TBCCD1: variants seen among roughly 807,000 people sequenced by gnomAD.
TBCCD1 encodes TBCC domain-containing protein 1.
In TBCCD1, 26 loss-of-function variants were observed where a neutral mutation model predicts 53.4. The observed-to-expected ratio is 0.49, with a 90% CI of 0.36 to 0.68. The LOEUF (loss-of-function observed/expected upper bound fraction) is 0.68. Ranked by LOEUF, TBCCD1 falls within the 30% of genes least tolerant of loss-of-function variation. TBCCD1 has a pLI of 0.00. For synonymous variants in TBCCD1, 245 were observed against 241.7 expected (o/e 1.01, Z -0.13); for missense variants, 558 against 669.5 (o/e 0.83, Z 1.84).
At position 186,564,039 on chromosome 3, in the gene TBCCD1, C is replaced by T. The variant is rs768173144; in HGVS notation, c.291G>A (p.Leu97=). The change falls in exon 2 of 8, where the codon CTG becomes CTA. Residue 97 remains leucine (L), a synonymous_variant. Transcript: ENST00000338733. The part of the protein sequence containing the change: ...PEERLEWSEV[L]SNCMSEEEVE... The stretch of plus-strand genomic sequence containing the variant: ...CTTCCTCCTCAGACATGCAGTTGGA[C>T]AGAACCTCAGACCATTCCAGGCGCT... 1 of 1,613,858 alleles carries T rather than the reference C, an allele frequency of 6.2e-7. No individual in the cohort carries two copies. Among genetic ancestry groups the T allele is most frequent in the South Asian group, 1.1e-5 (1 of 91,046 alleles).
At position 186,566,672 on chromosome 3, in the gene TBCCD1, A is replaced by T. The variant is rs1321337046; in HGVS notation, c.-44+595T>A. Among the ~76,000 whole-genome samples the T allele has an allele frequency of 2.0e-5, 3 of 152,344 alleles. No homozygotes were observed. The East Asian group carries it at 5.8e-4, about 29-fold the overall frequency. ...ATCTCTTAAAAACGGGAGTGGATCC[A>T]GAAGAGAATTTCCAGAATAAAGAGT... On this transcript the variant is annotated intron_variant, in intron 1 of 7. Transcript: ENST00000338733.
chr3:186,563,685 A>G (rs1316952595), intron 2 of TBCCD1, among the ~76,000 whole-genome samples: 4 of 152,212 alleles, frequency 2.6e-5, no homozygotes, highest in Non-Finnish European at 5.9e-5. Context: ...GCCAAACTGG[A>G]ACTACTAAAA....
intron 3 of TBCCD1, among the ~76,000 whole-genome samples, chr3:186,557,810 C>A (rs759484830): frequency 3.3e-5 from 5 of 152,080 alleles, no homozygotes; most frequent in Non-Finnish European, 7.4e-5. Flanking sequence ...GATATTTTTT[C>A]TTAGCTTTAG....
intron 2 of TBCCD1, among the ~76,000 whole-genome samples, chr3:186,563,593 G>A (rs1228220557): frequency 6.6e-6 from 1 of 151,992 alleles, no homozygotes; most frequent in Admixed American, 6.6e-5. Flanking sequence ...TCAATAACAG[G>A]GTCTCTGTAA....
At chr3:186,563,942 A>T in intron 2 of TBCCD1, 52 bp downstream of exon 2, 1 of 1,494,342 alleles carries the variant, frequency 6.7e-7, no homozygotes. Flanking sequence ...AATTTAAAAA[A>T]GAATGGTTTC....
intron 7 of TBCCD1, among the ~76,000 whole-genome samples, chr3:186,549,147 G>T (rs1025134892): frequency 6.6e-6 from 1 of 152,008 alleles, no homozygotes; most frequent in Non-Finnish European, 1.5e-5. Flanking sequence ...AATTAGCCGG[G>T]TGCGGTGGCC....
In TBCCD1 at chr3:186,556,569, T is replaced by C. The variant is rs1360425313; in HGVS notation, c.699A>G (p.Ala233=). The C allele has an allele frequency of 1.2e-6, 2 of 1,614,038 alleles. No individual in the cohort carries two copies. Among genetic ancestry groups the C allele is most frequent in the Non-Finnish European group, 1.7e-6 (2 of 1,180,032 alleles). Residue 233 remains alanine, a synonymous_variant, in exon 4 of 8, where the codon GCA becomes GCG. Transcript: ENST00000338733. ...TATCTGCATGCAGTGGTTGCCACAGTGCAAGTTCATGAAGTGGATAGATCT... is the reference window on the plus strand; with the variant it reads ...TATCTGCATGCAGTGGTTGCCACAGCGCAAGTTCATGAAGTGGATAGATCT... ...ARKIYPLHEL[A]LWQPLHADSG...
chr3:186,564,949 C>T, intron 1 of TBCCD1, among the ~76,000 whole-genome samples: 1 of 152,034 alleles, frequency 6.6e-6, no homozygotes, highest in East Asian at 1.9e-4. Flanking sequence ...CATATTTGAT[C>T]CTGCTCAGTT....
intron 1 of TBCCD1, among the ~76,000 whole-genome samples, chr3:186,565,109 C>CTTTTT (rs370017010): frequency 1.6e-4 from 20 of 124,750 alleles, no homozygotes; most frequent in African/African-American, 3.7e-4. Context: ...TCTTCTTCTT[C>CTTTTT]TTTTTTTTTT....
intron 1 of TBCCD1, among the ~76,000 whole-genome samples, chr3:186,566,381 A>G (rs188223797): frequency 2.0e-5 from 3 of 152,320 alleles, no homozygotes; most frequent in Admixed American, 6.5e-5. Flanking sequence ...GTTCGGAAAA[A>G]TAACTGACAT....
intron 3 of TBCCD1, among the ~76,000 whole-genome samples, chr3:186,557,239 G>A (rs754577962): frequency 2.0e-4 from 31 of 152,330 alleles, no homozygotes; most frequent in Non-Finnish European, 3.7e-4. Context: ...TATTACTGAA[G>A]TCTCATAGTC....
In TBCCD1 at chr3:186,564,180, C is replaced by T. The variant is rs150269998; in HGVS notation, c.150G>A (p.Pro50=). The T allele has an allele frequency of 1.5e-3, 2,403 of 1,614,152 alleles. 4 individuals are homozygous for T. The highest frequency in any genetic ancestry group is 1.9e-3 in the Non-Finnish European group (2,237 of 1,180,026). The change falls in exon 2 of 8, where the codon CCG becomes CCA. Residue 50 remains proline, a synonymous_variant. Coordinates refer to ENST00000338733, the MANE Select transcript of TBCCD1 (RefSeq NM_018138.5). ...GCCTCCATGTAGACCAGTAGAGGCGCGGGTAAGCTCCTTCTGTGGCCCGGA... is the reference window on the plus strand; with the variant it reads ...GCCTCCATGTAGACCAGTAGAGGCGTGGGTAAGCTCCTTCTGTGGCCCGGA... ...VQIRATEGAY[P]RLYWSTWRHI...
At chr3:186,551,067 C>CT in intron 7 of TBCCD1, 62 bp downstream of exon 7, 47 of 1,544,438 alleles carry the variant, frequency 3.0e-5, no homozygotes, top group Middle Eastern at 2.4e-4. Context: ...TATTCTGTGC[C>CT]TTTTTTTTAT....
chr3:186,567,632 A>C (rs965613630), upstream of TBCCD1: 1 of 152,282 alleles, frequency 6.6e-6, no homozygotes, highest in African/African-American at 2.4e-5. Flanking sequence ...AATGCTACTA[A>C]TACTAATGGC....
At position 186,558,307 on chromosome 3, in the gene TBCCD1, A is replaced by G. The variant is rs1714597394; in HGVS notation, c.492+110T>C. On this transcript the variant is annotated intron_variant, in intron 3 of 7. Transcript: ENST00000338733. ...AAAAAAGTGAAAAACAAAACAAGCC[A>G]TCAAATCACTGGCTTATGTAAGAAA... 5 of 1,339,724 alleles carry G rather than the reference A, an allele frequency of 3.7e-6. No individual in the cohort carries two copies. The South Asian group carries it at 4.3e-5, about 11-fold the overall frequency. 83.0% of individuals were successfully genotyped at this position (1,339,724 alleles called of 1,614,324 possible). A position where few individuals can be genotyped will look rare whatever the true frequency, so the allele number is the denominator to read the frequency against.
chr3:186,568,089 G>A (rs1714890693), upstream of TBCCD1, among the ~76,000 whole-genome samples: 1 of 152,092 alleles, frequency 6.6e-6, no homozygotes, highest in African/African-American at 2.4e-5. Context: ...CTTTTGTGTG[G>A]CCATTGTCCC....
rs546719062 is a variant in TBCCD1, at chr3:186,565,862, T to C, written c.-44+1405A>G. Among the ~76,000 whole-genome samples, 3 of 152,350 alleles carry C rather than the reference T, an allele frequency of 2.0e-5. No homozygotes were observed. In the South Asian group the frequency reaches 6.2e-4, roughly 32 times the overall value. On this transcript the variant is annotated intron_variant, in intron 1 of 7. Coordinates refer to ENST00000338733, the MANE Select transcript of TBCCD1 (RefSeq NM_018138.5). ...ATATCCTTGTTGCTTCCAAATGATT[T>C]TATCAAATTGTACCATCCTTTGACT... is the stretch of plus-strand genomic sequence containing the variant.
intron 6 of TBCCD1, among the ~76,000 whole-genome samples, chr3:186,551,567 G>T (rs1363615474): frequency 6.6e-6 from 1 of 152,170 alleles, no homozygotes; most frequent in African/African-American, 2.4e-5. Context: ...AAGAGACAAG[G>T]CCCCTGTTGA....
rs754303354 is a variant in TBCCD1, at chr3:186,551,147, T to A, written c.*3A>T. ...TGCCTACCAGTGTCTGCATGTAAGA[T>A]CCTTATCCAGCTGCTTGTTTGGAGC... On this transcript the variant is annotated 3_prime_UTR_variant, in exon 7 of 8. Transcript: ENST00000338733. The A allele has an allele frequency of 6.2e-7, 1 of 1,610,976 alleles. No individual in the cohort carries two copies. Among genetic ancestry groups the A allele is most frequent in the Non-Finnish European group, 8.5e-7 (1 of 1,179,540 alleles).
Sources: gnomAD v4.1 joint callset for allele counts (sites outside exome capture counted in the v4.1 genomes callset) on GRCh38, gnomAD v4.1.1 for gene constraint, MANE v1.5 for transcripts, NCBI Gene and HGNC (gene_info 2026-07-23, HGNC 2026-07-21) for gene names.